HK3: variants seen among roughly 807,000 people sequenced by gnomAD.
HK3 encodes hexokinase 3.
A neutral mutation model predicts 91.0 loss-of-function variants in HK3; 93 were observed. The observed-to-expected ratio is 1.02, with a 90% CI of 0.86 to 1.21. The LOEUF (loss-of-function observed/expected upper bound fraction) is 1.21. Among genes scored for constraint, HK3 ranks in the 50% most tolerant of loss-of-function variants. The pLI, the probability that HK3 is intolerant of heterozygous loss-of-function variation, is 0.00. For synonymous variants in HK3, 519 were observed against 516.9 expected (o/e 1.00, Z -0.06); for missense variants, 1,235 against 1,247.4 (o/e 0.99, Z 0.15).
At chr5:176,893,506 T>C (rs1758829902) in intron 2 of HK3, among the ~76,000 whole-genome samples, 1 of 152,172 alleles carries the variant, frequency 6.6e-6, no homozygotes, top group East Asian at 1.9e-4. Flanking sequence ...GACTATGTCT[T>C]GCTCAAGGCT....
At chr5:176,881,617 A>G (rs1312401466) in intron 17 of HK3, 75 bp downstream of exon 17, 2 of 1,593,720 alleles carry the variant, frequency 1.3e-6, no homozygotes, top group Admixed American at 1.7e-5. Flanking sequence ...CCTCGTCACC[A>G]CCCATGGCCA....
chr5:176,883,000 C>T (rs558934610), intron 15 of HK3, among the ~76,000 whole-genome samples: 2 of 152,218 alleles, frequency 1.3e-5, no homozygotes, highest in Non-Finnish European at 2.9e-5. Flanking sequence ...TGTGGGATCC[C>T]TCCTCCCCAA....
At chr5:176,888,262 G>A in intron 10 of HK3, 70 bp downstream of exon 10, 2 of 1,312,050 alleles carry the variant, frequency 1.5e-6, no homozygotes, top group Non-Finnish European at 2.1e-6. Context: ...GATCCCAGAG[G>A]GCCCTCTGGG....
rs181017028 is a variant in HK3 at position 176,887,593 on chromosome 5, G to C, written c.1458C>G (p.Thr486=). Residue 486 remains threonine (T), a synonymous_variant, in exon 11 of 19, where the codon ACC becomes ACG. Coordinates refer to ENST00000292432, the MANE Select transcript of HK3 (RefSeq NM_002115.3). This position sits in a 1 kb window ranked among gnomAD's most constrained non-coding sequence, Gnocchi z 4.9. ...CATGGTTCAACCGGAATGGGGCCAG[G>C]GTCTCCTCCAGCAGGCGCCGGTGGG... is the stretch of plus-strand genomic sequence containing the variant. ...LAAHRRLLEE[T]LAPFRLNHDQ... 1 of 1,613,860 alleles carries C rather than the reference G, an allele frequency of 6.2e-7. No homozygotes were observed. The highest frequency in any genetic ancestry group is 1.1e-5 in the South Asian group (1 of 91,090).
chr5:176,886,622 G>A (rs1017212252), intron 13 of HK3, among the ~76,000 whole-genome samples: 10 of 152,124 alleles, frequency 6.6e-5, no homozygotes, highest in East Asian at 1.9e-4. Flanking sequence ...CAGGCACTGA[G>A]AAGGAAACAA....
chr5:176,888,894 C>T, intron 8 of HK3, 30 bp from the exon 9 acceptor site: 1 of 1,604,850 alleles, frequency 6.2e-7, no homozygotes, highest in Admixed American at 1.7e-5. Context: ...CTGGAGGAAG[C>T]CTTTTCTAAG....
rs755376392 is a variant in HK3 at position 176,881,304 on chromosome 5, C to G, written c.2625G>C (p.Pro875=). ...GVDGTLYKLH[P]RFSSLVAATV... is the part of the protein sequence containing the mutation. Reference sequence around the variant, plus strand: ...CCAGCCCGCACACCCAGACTCACCGCGGGTGCAGCTTGTAGAGCGTTCCAT... The same window carrying G: ...CCAGCCCGCACACCCAGACTCACCGGGGGTGCAGCTTGTAGAGCGTTCCAT... Residue 875 remains proline (P), a splice_region_variant and synonymous_variant, in exon 18 of 19, where the codon CCG becomes CCC. Transcript: ENST00000292432. 6 of 1,613,572 alleles carry G rather than the reference C, an allele frequency of 3.7e-6. No individual in the cohort carries two copies. The highest frequency in any genetic ancestry group is 5.1e-6 in the Non-Finnish European group (6 of 1,179,846).
In HK3 at chr5:176,884,269, T is replaced by G; in HGVS notation, c.1858-135A>C. The G allele has an allele frequency of 2.6e-6, 2 of 772,722 alleles. No homozygotes were observed. The highest frequency in any genetic ancestry group is 2.2e-6 in the Non-Finnish European group (1 of 452,128). 47.9% of individuals were successfully genotyped at this position (772,722 alleles called of 1,614,324 possible). A position where few individuals can be genotyped will look rare whatever the true frequency, so the allele number is the denominator to read the frequency against. ...GCACAATTCCTTGCCTACTTTGCTG[T>G]ATGGTTGAAGGCCTTGCCCTCTGCC... On this transcript the variant is annotated intron_variant, in intron 13 of 18. Coordinates refer to ENST00000292432, the MANE Select transcript of HK3 (RefSeq NM_002115.3). The surrounding 1 kb of genome is among the most constrained non-coding windows in gnomAD (Gnocchi z 4.1).
intron 8 of HK3, 70 bp downstream of exon 8, chr5:176,889,311 G>A (rs1340876927): frequency 4.0e-6 from 6 of 1,512,768 alleles, no homozygotes; most frequent in Non-Finnish European, 4.5e-6. Context: ...AACAGGGACA[G>A]AAGGGGTTGG....
At position 176,884,467 on chromosome 5, in the gene HK3, G is replaced by C. The variant is rs1306111504; in HGVS notation, c.1858-333C>G. Among the ~76,000 whole-genome samples the C allele has an allele frequency of 2.2e-4, 33 of 152,266 alleles. No homozygotes were observed. The highest frequency in any genetic ancestry group is 2.0e-3 in the Admixed American group (31 of 15,286). On this transcript the variant is annotated intron_variant, in intron 13 of 18. Coordinates refer to ENST00000292432, the MANE Select transcript of HK3 (RefSeq NM_002115.3). The surrounding 1 kb of genome is among the most constrained non-coding windows in gnomAD (Gnocchi z 4.1). The stretch of plus-strand genomic sequence containing the variant: ...TAGGAATTAACAGAGCTGGTAAAGT[G>C]AGTGCTGTGTGTGAGACAGGGGAGG...
Position 176,884,140 on chromosome 5 carries a change from G to T in HK3, c.1858-6C>A. On this transcript the variant is annotated splice_region_variant and splice_polypyrimidine_tract_variant and intron_variant, in intron 13 of 18. Coordinates refer to ENST00000292432, the MANE Select transcript of HK3 (RefSeq NM_002115.3). This position sits in a 1 kb window ranked among gnomAD's most constrained non-coding sequence, Gnocchi z 4.1. ...GTCCAGTTCAGGAGGATGCCCTGGGGTGAGACCGAGAGGAAGTGGCAGGAA... is the reference window on the plus strand; with the variant it reads ...GTCCAGTTCAGGAGGATGCCCTGGGTTGAGACCGAGAGGAAGTGGCAGGAA... 6.2e-7 allele frequency: 1 copy of T among 1,613,100 alleles called. No individual in the cohort carries two copies. The highest frequency in any genetic ancestry group is 8.5e-7 in the Non-Finnish European group (1 of 1,179,176).
intron 2 of HK3, among the ~76,000 whole-genome samples, chr5:176,892,880 T>A (rs1423688573): frequency 6.6e-6 from 1 of 152,170 alleles, no homozygotes; most frequent in Non-Finnish European, 1.5e-5. Flanking sequence ...TCATCCTAAC[T>A]GGGGTGCCAG....
chr5:176,888,543 C>T lies in HK3; in HGVS notation c.1093G>A (p.Val365Ile). 1 of 1,559,632 alleles carries T rather than the reference C, an allele frequency of 6.4e-7. No homozygotes were observed. The highest frequency in any genetic ancestry group is 1.2e-5 in the South Asian group (1 of 85,578). ...CCCAAGTCCTGCAGGATAGCATGGA[C>T]ACGGGCTGCCCCAGTAGAGGGGCTG... ...MEDPSTGAAR[V>I]HAILQDLGLS... Residue 365 changes from valine to isoleucine, a missense_variant, in exon 10 of 19, where the codon GTC becomes ATC. Transcript: ENST00000292432.
intron 1 of HK3, among the ~76,000 whole-genome samples, chr5:176,898,988 A>T (rs1758975028): frequency 6.6e-6 from 1 of 152,082 alleles, no homozygotes. Context: ...AACAAAAATT[A>T]GCTGGGTGTG....
Position 176,887,470 on chromosome 5 carries a change from C to T in HK3, c.1581G>A (p.Arg527=), listed in dbSNP as rs1758626470. 1 of 1,612,426 alleles carries T rather than the reference C, an allele frequency of 6.2e-7. No individual in the cohort carries two copies. The highest frequency in any genetic ancestry group is 8.5e-7 in the Non-Finnish European group (1 of 1,178,904). Residue 527 remains arginine, a synonymous_variant, in exon 11 of 19, where the codon CGG becomes CGA. Coordinates refer to ENST00000292432, the MANE Select transcript of HK3 (RefSeq NM_002115.3). The surrounding 1 kb of genome is among the most constrained non-coding windows in gnomAD (Gnocchi z 4.9). ...SSLRMLPTFV[R]ATPDGSERGD... ...CCTTACCGCTGCCGTCAGGGGTGGC[C>T]CGGACGAAAGTGGGCAGCATGCGAA...
Position 176,887,287 on chromosome 5 carries a change from G to A in HK3, c.1651C>T (p.Leu551Phe). 1 of 1,614,056 alleles carries A rather than the reference G, an allele frequency of 6.2e-7. No individual in the cohort carries two copies. The change falls in exon 12 of 19, where the codon CTC (leucine) becomes TTC (phenylalanine). Residue 551 changes from leucine to phenylalanine, a missense_variant. By Grantham distance (22) the Leu-to-Phe change is conservative. Transcript: ENST00000292432. The surrounding 1 kb of genome is among the most constrained non-coding windows in gnomAD (Gnocchi z 4.9). ...LDLGGTNFRV[L>F]LVRVTTGVQI... The stretch of plus-strand genomic sequence containing the variant: ...ACGCCTGTGGTCACACGTACCAGGA[G>A]GACACGGAAGTTCGTGCCCCCGAGG...
chr5:176,887,897 C>T lies in HK3; in HGVS notation c.1305-151G>A, dbSNP rs1204262602. On this transcript the variant is annotated intron_variant, in intron 10 of 18. Coordinates refer to ENST00000292432, the MANE Select transcript of HK3 (RefSeq NM_002115.3). This position sits in a 1 kb window ranked among gnomAD's most constrained non-coding sequence, Gnocchi z 4.9. Reference sequence around the variant, plus strand: ...CCTCCTGAAGCCCAAGGCCCCATCACTTTTTTTTTTTTATTTTTGTAGATA... The same window carrying T: ...CCTCCTGAAGCCCAAGGCCCCATCATTTTTTTTTTTTTATTTTTGTAGATA... The T allele has an allele frequency of 1.3e-5, 7 of 547,738 alleles. No homozygotes were observed. Among genetic ancestry groups the T allele is most frequent in the African/African-American group, 2.0e-5 (1 of 50,584 alleles). The allele number at this position is 547,738 out of a possible 1,614,324, so 33.9% of individuals were successfully genotyped here.
In HK3 at chr5:176,889,735, T is replaced by C. The variant is rs760799191; in HGVS notation, c.640A>G (p.Ile214Val). The change falls in exon 7 of 19, where the codon ATC becomes GTC. Residue 214 changes from isoleucine (I) to valine (V), a missense_variant. Physicochemically the swap from Ile to Val is conservative, Grantham distance 29. Around this residue, in one of 3 missense-constraint regions of HK3, gnomAD observed 717 missense variants for 751.6 expected, o/e 0.95. Coordinates refer to ENST00000292432, the MANE Select transcript of HK3 (RefSeq NM_002115.3). ...TCGTTCACCACAGCAACCACGTCGA[T>C]GTTGTAGGCCTAGATGATGAAGAGG... Reference protein sequence around the residue: ...DAIRRQGAYNIDVVAVVNDTV... With the variant: ...DAIRRQGAYNVDVVAVVNDTV... 1 of 1,613,462 alleles carries C rather than the reference T, an allele frequency of 6.2e-7. No individual in the cohort carries two copies. Among genetic ancestry groups the C allele is most frequent in the Non-Finnish European group, 8.5e-7 (1 of 1,179,680 alleles).
At position 176,890,634 on chromosome 5, in the gene HK3, C is replaced by A. The variant is rs1441295701; in HGVS notation, c.630+1G>T. On this transcript the variant is annotated splice_donor_variant, in intron 6 of 18. Coordinates refer to ENST00000292432, the MANE Select transcript of HK3 (RefSeq NM_002115.3). LOFTEE classifies it high-confidence loss of function. ...CTCCTGTCACCCCTCCCTCCACTCA[C>A]CCCCTGCCTCCGAATGGCATCTCTC... The A allele has an allele frequency of 1.2e-6, 2 of 1,613,484 alleles. No individual in the cohort carries two copies. Among genetic ancestry groups the A allele is most frequent in the Non-Finnish European group, 1.7e-6 (2 of 1,179,406 alleles).
Sources: allele counts gnomAD v4.1 joint callset (sites outside exome capture counted in the v4.1 genomes callset), GRCh38; gene constraint gnomAD v4.1.1; regional missense constraint gnomAD v4.1.1; non-coding constraint Gnocchi (gnomAD v3.1); transcripts MANE v1.5; gene names NCBI Gene and HGNC (gene_info 2026-07-23, HGNC 2026-07-21).